The following DNAAF1 variants were observed in gnomAD, a reference collection of about 807,000 sequenced individuals.
The protein encoded by DNAAF1 is dynein axonemal assembly factor 1, also known as dynein assembly factor 1, axonemal.
Under a neutral mutation model 71.1 loss-of-function variants are expected in DNAAF1, and 65 were observed. The ratio of observed to expected loss-of-function variants is 0.91; its 90% CI spans 0.75 to 1.12. The LOEUF is 1.12. Ranked by LOEUF, DNAAF1 falls within the 50% of genes most tolerant of loss-of-function variation. The pLI is 0.00. For synonymous variants in DNAAF1, 414 were observed against 354.6 expected (o/e 1.17, Z -1.88); for missense variants, 1,178 against 899.8 (o/e 1.31, Z -3.96).
chr16:84,177,164 G>GGTCGCCGTATCATTAAAA, intron 11 of DNAAF1: 1 of 183,820 alleles, frequency 5.4e-6, no homozygotes, highest in Non-Finnish European at 1.2e-5. Flanking sequence ...CATTTCCCGG[G>GGTCGCCGTATCATTAAAA]AACACTGAGT....
At chr16:84,162,065 A>G (rs1362290871) in intron 6 of DNAAF1, 1 of 152,098 alleles carries the variant, frequency 6.6e-6, no homozygotes, top group African/African-American at 2.4e-5. Context: ...TGGTAAATGG[A>G]CTGGAACATG....
chr16:84,152,711 T>G (rs1039495726), intron 3 of DNAAF1, among the ~76,000 whole-genome samples: 1 of 151,506 alleles, frequency 6.6e-6, no homozygotes, highest in African/African-American at 2.4e-5. Flanking sequence ...CCCAGCACTT[T>G]GGGAGGCCAA....
Position 84,154,752 on chromosome 16 carries a change from T to G in DNAAF1, c.528T>G (p.Asp176Glu). The change falls in exon 4 of 12, where the codon GAT (aspartate) becomes GAG (glutamate). Residue 176 changes from aspartate to glutamate, a missense_variant. Transcript: ENST00000378553. ...ACCTGGAACCTCTGCAGAAACTGGA[T>G]GCTCTTAACCTCAGCAACAATTACA... Reference protein sequence around the residue: ...IENLEPLQKLDALNLSNNYIK... With the variant: ...IENLEPLQKLEALNLSNNYIK... 1 of 1,614,190 alleles carries G rather than the reference T, an allele frequency of 6.2e-7. No individual in the cohort carries two copies. Among genetic ancestry groups the G allele is most frequent in the Non-Finnish European group, 8.5e-7 (1 of 1,180,026 alleles).
At chr16:84,158,872 AGGTGCTCACCATG>A (rs2087565432) in intron 5 of DNAAF1, 1 of 205,760 alleles carries the variant, frequency 4.9e-6, no homozygotes, top group East Asian at 1.8e-4. Flanking sequence ...CTGGGATTAC[AGGTGCTCACCATG>A]ACGCCCAGCT....
At chr16:84,162,501 A>G (rs1037197604) in intron 6 of DNAAF1, among the ~76,000 whole-genome samples, 2 of 152,022 alleles carry the variant, frequency 1.3e-5, no homozygotes, top group African/African-American at 4.8e-5. Flanking sequence ...ACCACAATCA[A>G]TTTTAGAACA....
intron 11 of DNAAF1, 33 bp downstream of exon 11, chr16:84,176,332 CA>C: frequency 6.2e-7 from 1 of 1,612,464 alleles, no homozygotes; most frequent in South Asian, 1.1e-5. Context: ...ACAGTGGAGA[CA>C]ATGTTGGCTC....
intron 4 of DNAAF1, 130 bp from the exon 5 acceptor site, chr16:84,155,453 C>A: frequency 1.9e-6 from 2 of 1,077,990 alleles, no homozygotes; most frequent in Non-Finnish European, 2.8e-6. Flanking sequence ...GGTCTCAAAC[C>A]TCCTGGGCTC....
chr16:84,162,378 G>A (rs1012665435), intron 6 of DNAAF1, among the ~76,000 whole-genome samples: 1 of 151,684 alleles, frequency 6.6e-6, no homozygotes, highest in Non-Finnish European at 1.5e-5. Context: ...TGAGGTGGGT[G>A]GATCACTTGA....
chr16:84,149,015 G>A lies in DNAAF1; in HGVS notation c.133G>A (p.Asp45Asn). 1 of 1,614,002 alleles carries A rather than the reference G, an allele frequency of 6.2e-7. No homozygotes were observed. Among genetic ancestry groups the A allele is most frequent in the South Asian group, 1.1e-5 (1 of 91,074 alleles). The change falls in exon 2 of 12, where the codon GAT (aspartate) becomes AAT (asparagine). Residue 45 changes from aspartate (D) to asparagine (N), a missense_variant. By Grantham distance (23) the Asp-to-Asn change is conservative. Coordinates refer to ENST00000378553, the MANE Select transcript of DNAAF1 (RefSeq NM_178452.6). ...TCTCTTTTATTTTACAGAAATTAAT[G>A]ATCCTAAGGAAATATGTGTGGGTTC... is the stretch of plus-strand genomic sequence containing the variant. Reference protein sequence around the residue: ...GRGGCKEEINDPKEICVGSSD... With the variant: ...GRGGCKEEINNPKEICVGSSD...
chr16:84,173,056 TA>T, intron 9 of DNAAF1: 2 of 990,294 alleles, frequency 2.0e-6, no homozygotes, highest in Non-Finnish European at 2.4e-6. Flanking sequence ...CATTTCTGGG[TA>T]CCTCTGACCT....
chr16:84,165,301 C>T (rs1307608543), intron 6 of DNAAF1, among the ~76,000 whole-genome samples: 1 of 151,976 alleles, frequency 6.6e-6, no homozygotes, highest in Non-Finnish European at 1.5e-5. Context: ...GTACAAGACC[C>T]TTATCAAATA....
In DNAAF1 at chr16:84,174,715, A is replaced by C. The variant is rs2151278226; in HGVS notation, c.1691A>C (p.Glu564Ala). The change falls in exon 10 of 12, where the codon GAA (glutamate) becomes GCA (alanine). Residue 564 changes from glutamate to alanine, a missense_variant. Transcript: ENST00000378553. ...EDDDETGKSL[E>A]DQNMCFPKIE... The stretch of plus-strand genomic sequence containing the variant: ...GATGATGAAACAGGCAAATCTCTGG[A>C]AGACCAGGTTAAGGTCATTAGAAAC... The C allele has an allele frequency of 6.2e-7, 1 of 1,614,222 alleles. No homozygotes were observed. The highest frequency in any genetic ancestry group is 8.5e-7 in the Non-Finnish European group (1 of 1,180,034).
intron 4 of DNAAF1, 100 bp downstream of exon 4, chr16:84,154,898 T>G (rs2087339970): frequency 9.1e-7 from 1 of 1,103,726 alleles, no homozygotes. Context: ...GAAGTGGTGT[T>G]TTTTTTTGTC....
intron 5 of DNAAF1, among the ~76,000 whole-genome samples, chr16:84,158,040 C>T (rs1228431355): frequency 6.6e-6 from 1 of 152,000 alleles, no homozygotes; most frequent in Non-Finnish European, 1.5e-5. Context: ...ACCGTCTCTA[C>T]TAAAAATACA....
intron 1 of DNAAF1, among the ~76,000 whole-genome samples, chr16:84,147,862 T>C (rs2086986489): frequency 6.6e-6 from 1 of 152,062 alleles, no homozygotes; most frequent in Non-Finnish European, 1.5e-5. Context: ...GGTCAGGAGT[T>C]TGAGGACAGC....
At chr16:84,163,092 A>G (rs62048443) in intron 6 of DNAAF1, among the ~76,000 whole-genome samples, 16,028 of 152,184 alleles carry the variant, frequency 0.11, 917 homozygotes, top group South Asian at 0.28. Flanking sequence ...ACTACATTGT[A>G]TTTGTCCATC....
Position 84,176,270 on chromosome 16 carries a change from A to T in DNAAF1, c.2036A>T (p.Asp679Val). The T allele has an allele frequency of 6.2e-7, 1 of 1,613,542 alleles. No individual in the cohort carries two copies. The highest frequency in any genetic ancestry group is 1.1e-5 in the South Asian group (1 of 91,076). ...AAPLTSSGDR[D>V]SDFLAASSPV... ...CCACTCACTTCCAGTGGAGACAGGG[A>T]CAGCGACTTCCTTGCAGCCTCTTCT... Residue 679 changes from aspartate to valine, a missense_variant, in exon 11 of 12, where the codon GAC becomes GTC. By Grantham distance (152) the Asp-to-Val change is radical (BLOSUM62 -3). Coordinates refer to ENST00000378553, the MANE Select transcript of DNAAF1 (RefSeq NM_178452.6).
At position 84,145,525 on chromosome 16, in the gene DNAAF1, G is replaced by A; in HGVS notation, c.85G>A (p.Gly29Ser). 2 of 1,555,354 alleles carry A rather than the reference G, an allele frequency of 1.3e-6. No homozygotes were observed. Among genetic ancestry groups the A allele is most frequent in the Non-Finnish European group, 1.7e-6 (2 of 1,149,478 alleles). The change falls in exon 1 of 12, where the codon GGT becomes AGT. Residue 29 changes from glycine (G) to serine (S), a missense_variant. Coordinates refer to ENST00000378553, the MANE Select transcript of DNAAF1 (RefSeq NM_178452.6). ...AQEPGVEESA[G>S]DHGSAGRGGC... ...GGAGCCCGGCGTGGAGGAGTCTGCG[G>A]GTGACCACGGGAGCGCAGGCCGAGG...
In DNAAF1 at chr16:84,145,384, C is replaced by G; in HGVS notation, c.-57C>G. On this transcript the variant is annotated 5_prime_UTR_variant, in exon 1 of 12. Transcript: ENST00000378553. ...GGCTGGGCTGGGGCCGTAGCGACGT[C>G]CGCCGCGAACCTGGGCCCCCCAAAG... The G allele has an allele frequency of 6.4e-7, 1 of 1,556,374 alleles. No individual in the cohort carries two copies.
Sources: allele counts gnomAD v4.1 joint callset (sites outside exome capture counted in the v4.1 genomes callset), GRCh38; gene constraint gnomAD v4.1.1; transcripts MANE v1.5; gene names NCBI Gene and HGNC (gene_info 2026-07-23, HGNC 2026-07-21).